SLC39A14: variants seen among roughly 807,000 people sequenced by gnomAD.
SLC39A14 encodes the protein metal cation symporter ZIP14.
SLC39A14 carries 19 observed loss-of-function variants against 45.5 expected under a neutral mutation model. The ratio of observed to expected loss-of-function variants is 0.42; its 90% confidence interval spans 0.29 to 0.61. The LOEUF (loss-of-function observed/expected upper bound fraction) is 0.61, where lower values mean the gene tolerates loss of function less well. Among genes scored for constraint, SLC39A14 ranks in the 20% least tolerant of loss-of-function variants. SLC39A14 has a pLI of 0.22. For missense variants in SLC39A14, 447 were observed against 616.5 expected (o/e 0.73, Z 2.91); for synonymous variants, 264 against 251.3 (o/e 1.05, Z -0.48).
At chr8:22,403,746 C>A (rs75721887) in intron 1 of SLC39A14, among the ~76,000 whole-genome samples, 36,776 of 150,880 alleles carry the variant, frequency 0.24, 5,224 homozygotes, top group East Asian at 0.51. Context: ...GGTGAAACCC[C>A]ATCTCTACTA....
intron 1 of SLC39A14, among the ~76,000 whole-genome samples, chr8:22,399,177 A>G (rs1463946135): frequency 1.3e-5 from 2 of 152,138 alleles, no homozygotes; most frequent in Non-Finnish European, 2.9e-5. Context: ...GGGGCCACAC[A>G]TGGAATGGAA....
intron 8 of SLC39A14, 78 bp downstream of exon 8, chr8:22,417,913 AT>A: frequency 5.4e-6 from 7 of 1,288,532 alleles, no homozygotes; most frequent in Non-Finnish European, 7.4e-6. Context: ...TTTTATTTTT[AT>A]TTTTTTGAGA....
intron 1 of SLC39A14, chr8:22,390,411 A>G (rs924354829): frequency 1.3e-5 from 2 of 151,282 alleles, no homozygotes; most frequent in Admixed American, 1.3e-4. Flanking sequence ...GTTCAAGTGA[A>G]TCTCCTGCCT....
downstream of SLC39A14, among the ~76,000 whole-genome samples, chr8:22,424,866 TA>T (rs1309549064): frequency 6.6e-6 from 1 of 151,968 alleles, no homozygotes; most frequent in Non-Finnish European, 1.5e-5. Context: ...CTATCTCTAC[TA>T]AAAATACAAA....
chr8:22,431,029 C>T (rs1390176045), intron 8 of SLC39A14, among the ~76,000 whole-genome samples: 1 of 149,866 alleles, frequency 6.7e-6, no homozygotes, highest in Non-Finnish European at 1.5e-5. Context: ...CCTCTGTTGC[C>T]CAGGCTGGAG....
chr8:22,407,407 C>T (rs936095162), intron 2 of SLC39A14, among the ~76,000 whole-genome samples: 1 of 152,202 alleles, frequency 6.6e-6, no homozygotes, highest in Non-Finnish European at 1.5e-5. Context: ...GTTGCCCAGG[C>T]TGGAGTGCAG....
chr8:22,380,885 C>T (rs1014070856), intron 1 of SLC39A14, among the ~76,000 whole-genome samples: 6 of 152,038 alleles, frequency 3.9e-5, no homozygotes, highest in African/African-American at 1.4e-4. Context: ...CCATGTTGCG[C>T]ACGCTAGTCT....
At chr8:22,432,200 G>A (rs2132404565) in intron 8 of SLC39A14, among the ~76,000 whole-genome samples, 1 of 152,106 alleles carries the variant, frequency 6.6e-6, no homozygotes, top group Non-Finnish European at 1.5e-5. Flanking sequence ...ACATGGCAGT[G>A]GCATGCCTGT....
In SLC39A14 at chr8:22,397,126, C is replaced by G. The variant is rs6998780; in HGVS notation, c.-15-7570C>G. Among the ~76,000 whole-genome samples the G allele has an allele frequency of 3.5e-3, 529 of 151,988 alleles. 2 individuals carry two copies. The highest frequency in any genetic ancestry group is 0.012 in the African/African-American group (500 of 41,468). ...AGTTTATTCTCTTCTTTTCAAACTA[C>G]GGATAGGGGTTCATTGTAATAATAT... On this transcript the variant is annotated intron_variant, in intron 1 of 8. Coordinates refer to ENST00000381237, the MANE Select transcript of SLC39A14 (RefSeq NM_001128431.4).
rs1835841999 is a variant in SLC39A14 at position 22,415,829 on chromosome 8, G to T, written c.811G>T (p.Glu271Ter). Residue 271 changes from glutamate to a stop codon, truncating the protein, a stop_gained, in exon 6 of 9, where the codon GAG (glutamate) becomes TAG (stop). Transcript: ENST00000381237. LOFTEE classifies it high-confidence loss of function. The stretch of plus-strand genomic sequence containing the variant: ...GCTTCCCTCCAAGAAGGACCAGGAG[G>T]AGGGGGTGATGGAGAAGCTGCAGAA... ...ESLPSKKDQE[E>*]GVMEKLQNGD... 1 of 1,613,690 alleles carries T rather than the reference G, an allele frequency of 6.2e-7. No individual in the cohort carries two copies.
chr8:22,386,237 G>A (rs1269660269), intron 1 of SLC39A14, among the ~76,000 whole-genome samples: 3 of 151,282 alleles, frequency 2.0e-5, no homozygotes, highest in Admixed American at 6.6e-5. Flanking sequence ...GAGCCACTGC[G>A]CCTGACGAAT....
chr8:22,380,888 G>A (rs1024655458), intron 1 of SLC39A14, among the ~76,000 whole-genome samples: 12 of 151,890 alleles, frequency 7.9e-5, no homozygotes, highest in Non-Finnish European at 1.6e-4. Context: ...TGTTGCGCAC[G>A]CTAGTCTCAA....
rs28409480 is a variant in SLC39A14, at chr8:22,417,595, A to G, written c.1148-56A>G. 49,054 of 1,457,446 alleles carry G rather than the reference A, an allele frequency of 0.034. 8,916 individuals are homozygous for G. In the African/African-American group the frequency reaches 0.48, roughly 14 times the overall value. The allele number at this position is 1,457,446 out of a possible 1,614,324, so 90.3% of individuals were successfully genotyped here. A position where few individuals can be genotyped will look rare whatever the true frequency, so the allele number is the denominator to read the frequency against. Reference sequence around the variant, plus strand: ...CTGGGATGACAGGTGTGCATTCACCATGCCCATCTTACTCTTCCTTCCTCG... The same window carrying G: ...CTGGGATGACAGGTGTGCATTCACCGTGCCCATCTTACTCTTCCTTCCTCG... On this transcript the variant is annotated intron_variant, in intron 7 of 8. Coordinates refer to ENST00000381237, the MANE Select transcript of SLC39A14 (RefSeq NM_001128431.4).
chr8:22,394,333 T>A (rs1328671964), intron 1 of SLC39A14, among the ~76,000 whole-genome samples: 1 of 150,462 alleles, frequency 6.6e-6, no homozygotes, highest in East Asian at 2.0e-4. Flanking sequence ...ATGTCTTTTT[T>A]TTTTTTTTTG....
rs936520898 is a variant in SLC39A14 at position 22,376,844 on chromosome 8, C to G, written c.-16+9436C>G. ...AGTGAGCTGAGATGGAGCCACTGCACTCCAGCCTGGGCAACAGAGTGAGAC... is the reference window on the plus strand; with the variant it reads ...AGTGAGCTGAGATGGAGCCACTGCAGTCCAGCCTGGGCAACAGAGTGAGAC... On this transcript the variant is annotated intron_variant, in intron 1 of 8. Transcript: ENST00000381237. 5.9e-5 allele frequency among the ~76,000 whole-genome samples: 9 copies of G among 152,072 alleles called. No homozygotes were observed. In the Middle Eastern group the frequency reaches 0.01, roughly 172 times the overall value.
chr8:22,431,290 A>G (rs906340529), intron 8 of SLC39A14, among the ~76,000 whole-genome samples: 3 of 152,088 alleles, frequency 2.0e-5, no homozygotes, highest in African/African-American at 7.2e-5. Context: ...CCTGGCCTAT[A>G]TAGTGCTTTT....
rs1480183882 is a variant in SLC39A14 at position 22,401,660 on chromosome 8, G to C, written c.-15-3036G>C. On this transcript the variant is annotated intron_variant, in intron 1 of 8. Transcript: ENST00000381237. ...CCTCCTGGGTTCAAGTGACTCTCCT[G>C]CCTCATCCTCCCGAGTAGCTGGGAT... Among the ~76,000 whole-genome samples, 5 of 144,262 alleles carry C rather than the reference G, an allele frequency of 3.5e-5. 1 individual carries two copies. The highest frequency in any genetic ancestry group is 5.1e-5 in the African/African-American group (2 of 39,008). The allele number at this position is 144,262 out of a possible 152,430, so 94.6% of individuals were successfully genotyped here. A position where few individuals can be genotyped will look rare whatever the true frequency, so the allele number is the denominator to read the frequency against.
chr8:22,407,822 T>G (rs1309998270), intron 2 of SLC39A14, among the ~76,000 whole-genome samples: 1 of 151,986 alleles, frequency 6.6e-6, no homozygotes, highest in African/African-American at 2.4e-5. Context: ...GCAGTCCCCC[T>G]GCCTCAGCCT....
chr8:22,410,947 G>C (rs2132337503), intron 3 of SLC39A14, among the ~76,000 whole-genome samples: 1 of 152,282 alleles, frequency 6.6e-6, no homozygotes, highest in South Asian at 2.1e-4. Context: ...CATGTCAGCT[G>C]CTTCTCAGGC....
Sources: gnomAD v4.1 joint callset for allele counts (sites outside exome capture counted in the v4.1 genomes callset) on GRCh38, gnomAD v4.1.1 for gene constraint, MANE v1.5 for transcripts, NCBI Gene and HGNC (gene_info 2026-07-23, HGNC 2026-07-21) for gene names.